The following APC variants were observed in gnomAD, a reference collection of about 807,000 sequenced individuals.
APC encodes the protein adenomatous polyposis coli protein.
APC carries 72 observed loss-of-function variants against 247.0 expected under a neutral mutation model. The observed-to-expected ratio is 0.29, with a 90% CI of 0.24 to 0.35. The LOEUF (loss-of-function observed/expected upper bound fraction) is 0.35, where lower values mean the gene tolerates loss of function less well. APC is among the 10% of genes least tolerant of loss of function. The pLI, the probability that APC is intolerant of heterozygous loss-of-function variation, is 1.00. For synonymous variants in APC, 1,254 were observed against 1,162.5 expected, an observed-to-expected ratio of 1.08 and a Z score of -1.60; for missense variants, 3,400 against 3,360.7, an observed-to-expected ratio of 1.01 and a Z score of -0.29.
In APC at chr5:112,707,562, C is replaced by T. The variant is rs1031181133; in HGVS notation, c.-156C>T. ...CAAGTAGCAAGGGGGCGGGGTGTGG[C>T]CGCCGGAAGCCTAGCCGCTGCTCGG... is the stretch of plus-strand genomic sequence containing the variant. On this transcript the variant is annotated 5_prime_UTR_variant, in exon 1 of 14. Coordinates refer to the APC transcript ENST00000507379. 10 of 705,402 alleles carry T rather than the reference C, an allele frequency of 1.4e-5. No individual in the cohort carries two copies. In the East Asian group the frequency reaches 1.6e-4, roughly 11 times the overall value. 43.7% of individuals were successfully genotyped at this position (705,402 alleles called of 1,614,324 possible).
chr5:112,727,230 A>G lies in APC; in HGVS notation c.165+19348A>G, dbSNP rs547732570. 3.9e-5 allele frequency among the ~76,000 whole-genome samples: 6 copies of G among 152,116 alleles called. No individual in the cohort carries two copies. The South Asian group carries it at 1.2e-3, about 32-fold the overall frequency. On this transcript the variant is annotated intron_variant, in intron 1 of 13. Coordinates refer to the APC transcript ENST00000507379. ...TAATAGTAAGTTGGGACCCTTGCAAACACTTATCTTCGGACATTCAGAGTG... is the reference window on the plus strand; with the variant it reads ...TAATAGTAAGTTGGGACCCTTGCAAGCACTTATCTTCGGACATTCAGAGTG...
chr5:112,722,063 C>A (rs1031323488), intron 1 of APC, among the ~76,000 whole-genome samples: 1 of 152,134 alleles, frequency 6.6e-6, no homozygotes, highest in African/African-American at 2.4e-5. Context: ...AAAGACCCCC[C>A]CATTGAGAAA....
intron 1 of APC, among the ~76,000 whole-genome samples, chr5:112,743,617 G>A (rs1345088621): frequency 6.6e-6 from 1 of 152,132 alleles, no homozygotes; most frequent in Non-Finnish European, 1.5e-5. Flanking sequence ...TTATATCAGT[G>A]TATCAGCTAC....
At chr5:112,776,444 A>G (rs1757659455) in intron 5 of APC, among the ~76,000 whole-genome samples, 2 of 152,238 alleles carry the variant, frequency 1.3e-5, no homozygotes, top group African/African-American at 2.4e-5. Context: ...TAAACTGCCA[A>G]CATCTCTAAC....
intron 2 of APC, among the ~76,000 whole-genome samples, chr5:112,755,536 T>A (rs1327884335): frequency 6.6e-6 from 1 of 152,212 alleles, no homozygotes; most frequent in Non-Finnish European, 1.5e-5. Context: ...ATATGACCTC[T>A]GTATATTCTT....
rs980662480 is a variant in APC, at chr5:112,766,370, G to A, written c.180G>A (p.Met60Ile). Residue 60 changes from methionine to isoleucine, a missense_variant, in exon 3 of 16, where the codon ATG (methionine) becomes ATA (isoleucine). Transcript: ENST00000257430. ...AAGGAAGTATTGAAGATGAAGCTAT[G>A]GCTTCTTCTGGACAGATTGATTTAT... is the stretch of plus-strand genomic sequence containing the variant. The part of the protein sequence containing the change: ...QLQGSIEDEA[M>I]ASSGQIDLLE... 2 of 1,612,054 alleles carry A rather than the reference G, an allele frequency of 1.2e-6. No individual in the cohort carries two copies. The highest frequency in any genetic ancestry group is 8.5e-7 in the Non-Finnish European group (1 of 1,178,538).
rs1580359661 is a variant in APC, at chr5:112,775,733, A to C, written c.527A>C (p.Glu176Ala). The change falls in exon 5 of 16, where the codon GAA (glutamate) becomes GCA (alanine). Residue 176 changes from glutamate (E) to alanine (A), a missense_variant. Transcript: ENST00000257430. The part of the protein sequence containing the change: ...TKRIDSLPLT[E>A]NFSLQTDMTR... ...AGAATAGATAGTCTTCCTTTAACTG[A>C]AAATGTAAGTAACTTGGCAGTACAA... is the stretch of plus-strand genomic sequence containing the variant. 6 of 1,532,742 alleles carry C rather than the reference A, an allele frequency of 3.9e-6. No individual in the cohort carries two copies. Among genetic ancestry groups the C allele is most frequent in the Non-Finnish European group, 5.4e-6 (6 of 1,118,540 alleles). The allele number at this position is 1,532,742 out of a possible 1,614,324, so 94.9% of individuals were successfully genotyped here.
At chr5:112,771,149 A>G (rs911176569) in intron 4 of APC, among the ~76,000 whole-genome samples, 2 of 152,122 alleles carry the variant, frequency 1.3e-5, no homozygotes, top group African/African-American at 4.8e-5. Flanking sequence ...TTGATAGAAT[A>G]TCATACTCTT....
rs2149969843 is a variant in APC, at chr5:112,842,246, C to G, written c.6652C>G (p.Gln2218Glu). ...EISGQMKQPLQANMPSISRGR... is the reference protein window; with the variant it reads ...EISGQMKQPLEANMPSISRGR... ...TTCAGGCCAAATGAAACAGCCCCTTCAAGCAAACATGCCTTCAATCTCTCG... is the reference window on the plus strand; with the variant it reads ...TTCAGGCCAAATGAAACAGCCCCTTGAAGCAAACATGCCTTCAATCTCTCG... Residue 2218 changes from glutamine to glutamate, a missense_variant, in exon 16 of 16, where the codon CAA becomes GAA. Physicochemically the swap from Gln to Glu is conservative, Grantham distance 29. Transcript: ENST00000257430. The G allele has an allele frequency of 6.2e-7, 1 of 1,614,016 alleles. No homozygotes were observed. The highest frequency in any genetic ancestry group is 8.5e-7 in the Non-Finnish European group (1 of 1,179,894).
chr5:112,811,477 T>A (rs757639989), intron 8 of APC, among the ~76,000 whole-genome samples: 2 of 152,212 alleles, frequency 1.3e-5, no homozygotes, highest in Non-Finnish European at 2.9e-5. Flanking sequence ...AAGACTCTCA[T>A]GGACCAAGTT....
intron 10 of APC, among the ~76,000 whole-genome samples, chr5:112,820,550 A>C (rs1763015790): frequency 6.6e-6 from 1 of 152,134 alleles, no homozygotes; most frequent in Non-Finnish European, 1.5e-5. Context: ...TCCTGGGGTG[A>C]GGGGAACTAG....
Position 112,821,925 on chromosome 5 carries a change from C to A in APC, c.1342C>A (p.Pro448Thr), listed in dbSNP as rs374195067. 13 of 1,613,098 alleles carry A rather than the reference C, an allele frequency of 8.1e-6. No individual in the cohort carries two copies. The highest frequency in any genetic ancestry group is 1.1e-5 in the Non-Finnish European group (13 of 1,179,502). ...MPAPVEHQIC[P>T]AVCVLMKLSF... is the part of the protein sequence containing the mutation. ...AGCTCCTGTTGAACATCAGATCTGT[C>A]CTGCTGTGTGTGTTCTAATGAAACT... Residue 448 changes from proline (P) to threonine (T), a missense_variant, in exon 11 of 16, where the codon CCT (proline) becomes ACT (threonine). Pro to Thr is a conservative substitution (Grantham distance 38). Transcript: ENST00000257430.
At chr5:112,796,392 T>C (rs1189874777) in intron 7 of APC, among the ~76,000 whole-genome samples, 8 of 152,134 alleles carry the variant, frequency 5.3e-5, no homozygotes, top group African/African-American at 9.7e-5. Flanking sequence ...TTCATCCATG[T>C]CTGGCTTTTT....
rs950769214 is a variant in APC at position 112,827,315 on chromosome 5, C to G, written c.1548+68C>G. The G allele has an allele frequency of 3.0e-5, 47 of 1,554,122 alleles. No individual in the cohort carries two copies. In the Admixed American group the frequency reaches 6.4e-4, roughly 21 times the overall value. On this transcript the variant is annotated intron_variant, in intron 12 of 15. Coordinates refer to ENST00000257430, the MANE Select transcript of APC (RefSeq NM_000038.6). ...GAGTTAATTTACTTTCATACAAATA[C>G]ATTTTACTGATTTTCTTTTTTTTCA...
intron 7 of APC, among the ~76,000 whole-genome samples, chr5:112,796,663 A>G (rs762040311): frequency 3.3e-4 from 50 of 151,966 alleles, no homozygotes; most frequent in Non-Finnish European, 5.3e-4. Flanking sequence ...TTCTGTTGGT[A>G]TTGATGTATG....
chr5:112,719,715 A>G (rs566575300), intron 1 of APC, among the ~76,000 whole-genome samples: 3 of 151,734 alleles, frequency 2.0e-5, no homozygotes, highest in Non-Finnish European at 2.9e-5. Context: ...TTGTATTTTT[A>G]GTAGAGATGG....
At chr5:112,731,529 A>G (rs895413526) in intron 1 of APC, among the ~76,000 whole-genome samples, 22 of 152,304 alleles carry the variant, frequency 1.4e-4, no homozygotes, top group African/African-American at 4.6e-4. Context: ...TGGAACGTGA[A>G]TACCTCCCAT....
rs578171579 is a variant in APC at position 112,841,528 on chromosome 5, AAAC to A, written c.5940_5942del (p.Asn1981del). 8.1e-6 allele frequency: 13 copies of A among 1,613,832 alleles called. No individual in the cohort carries two copies. Among genetic ancestry groups the A allele is most frequent in the African/African-American group, 1.3e-5 (1 of 74,902 alleles). ...GTTCTCTCAGTGACATTGACCAAGA[AAAC>A]AACAATAAAGAAAATGAACCTATCA... On this transcript the variant is annotated inframe_deletion, in exon 16 of 16. Transcript: ENST00000257430. The surrounding 1 kb of genome is among the most constrained non-coding windows in gnomAD (Gnocchi z 4.6).
In APC at chr5:112,810,009, G is replaced by C. The variant is rs1402088353; in HGVS notation, c.835-5486G>C. On this transcript the variant is annotated intron_variant, in intron 8 of 15. Coordinates refer to ENST00000257430, the MANE Select transcript of APC (RefSeq NM_000038.6). ...AGACTCCGTCTCAAAAAAAAAAGTA[G>C]AAGAGAGCAATTTTAGCTAACTGTA... is the stretch of plus-strand genomic sequence containing the variant. The C allele has an allele frequency of 1.1e-5, 4 of 360,900 alleles. No individual in the cohort carries two copies. The Admixed American group carries it at 1.4e-4, about 13-fold the overall frequency. 22.4% of individuals were successfully genotyped at this position (360,900 alleles called of 1,614,324 possible). A position where few individuals can be genotyped will look rare whatever the true frequency, so the allele number is the denominator to read the frequency against.
Sources: gnomAD v4.1 joint callset for allele counts (sites outside exome capture counted in the v4.1 genomes callset) on GRCh38, gnomAD v4.1.1 for gene constraint, Gnocchi (gnomAD v3.1) non-coding constraint, MANE v1.5 for transcripts, NCBI Gene and HGNC (gene_info 2026-07-23, HGNC 2026-07-21) for gene names.